Variants in CAMK1D observed in about 807,000 individuals in gnomAD.
The protein encoded by CAMK1D is calcium/calmodulin dependent protein kinase ID.
A neutral mutation model predicts 47.7 loss-of-function variants in CAMK1D; 9 were observed. The observed-to-expected ratio is 0.19, with a 90% CI of 0.11 to 0.33. CAMK1D has a LOEUF of 0.33. Ranked by LOEUF, CAMK1D falls within the 10% of genes least tolerant of loss-of-function variation. CAMK1D has a pLI of 1.00. For synonymous variants in CAMK1D, 184 were observed against 184.9 expected, an observed-to-expected ratio of 0.99 and a Z score of 0.04; for missense variants, 291 against 488.7, an observed-to-expected ratio of 0.60 and a Z score of 3.81.
chr10:12,437,487 G>C (rs1240494135), intron 1 of CAMK1D, among the ~76,000 whole-genome samples: 1 of 152,110 alleles, frequency 6.6e-6, no homozygotes, highest in Admixed American at 6.5e-5. Context: ...GAGCTACCGC[G>C]CCCAGCCCAG....
chr10:12,364,110 G>A (rs1823411005), intron 1 of CAMK1D, among the ~76,000 whole-genome samples: 1 of 152,092 alleles, frequency 6.6e-6, no homozygotes, highest in Non-Finnish European at 1.5e-5. Context: ...TAGTGAGTGA[G>A]CAGCAATTAC....
At chr10:12,578,621 C>A (rs922904615) in intron 2 of CAMK1D, 1 of 149,306 alleles carries the variant, frequency 6.7e-6, no homozygotes, top group Non-Finnish European at 1.5e-5. Context: ...CTCTAGTTTG[C>A]CCAGTCTGGT....
At chr10:12,763,227 G>A (rs1836586389) in intron 4 of CAMK1D, among the ~76,000 whole-genome samples, 1 of 152,252 alleles carries the variant, frequency 6.6e-6, no homozygotes, top group Non-Finnish European at 1.5e-5. Context: ...CTATGAGGAG[G>A]AAGTTGAAAT....
intron 1 of CAMK1D, among the ~76,000 whole-genome samples, chr10:12,476,022 G>A (rs1276788850): frequency 2.0e-5 from 3 of 152,098 alleles, no homozygotes; most frequent in Non-Finnish European, 2.9e-5. Flanking sequence ...GCCGGGTGGG[G>A]TGGCTCATGC....
At chr10:12,415,433 C>T (rs1839810189) in intron 1 of CAMK1D, among the ~76,000 whole-genome samples, 1 of 150,280 alleles carries the variant, frequency 6.7e-6, no homozygotes, top group African/African-American at 2.4e-5. Context: ...GCATTACAGG[C>T]ACCCACCACC....
chr10:12,680,035 T>G (rs1275323637), intron 3 of CAMK1D, among the ~76,000 whole-genome samples: 1 of 152,232 alleles, frequency 6.6e-6, no homozygotes, highest in Non-Finnish European at 1.5e-5. Context: ...CCTAAAATTC[T>G]GTAACATCTT....
chr10:12,751,103 TA>T (rs1835949041), intron 3 of CAMK1D, among the ~76,000 whole-genome samples: 2 of 105,318 alleles, frequency 1.9e-5, no homozygotes, highest in African/African-American at 4.6e-5. Context: ...TAAGATAAGA[TA>T]AGATAAGATA....
intron 1 of CAMK1D, among the ~76,000 whole-genome samples, chr10:12,503,859 A>G (rs1177858358): frequency 1.3e-5 from 2 of 152,114 alleles, no homozygotes; most frequent in African/African-American, 4.8e-5. Context: ...TTACAGTGTT[A>G]AAAAGTTCGA....
chr10:12,735,567 G>A (rs964194359), intron 3 of CAMK1D, among the ~76,000 whole-genome samples: 2 of 152,166 alleles, frequency 1.3e-5, no homozygotes, highest in Admixed American at 6.5e-5. Flanking sequence ...ACTGCCCTTC[G>A]ATGCCGTGTC....
At chr10:12,415,080 CT>C (rs1443179453) in intron 1 of CAMK1D, among the ~76,000 whole-genome samples, 1 of 152,038 alleles carries the variant, frequency 6.6e-6, no homozygotes. Context: ...TTTCATGTGT[CT>C]GATTATTATA....
At chr10:12,434,713 C>T (rs559371524) in intron 1 of CAMK1D, among the ~76,000 whole-genome samples, 11 of 152,324 alleles carry the variant, frequency 7.2e-5, no homozygotes, top group East Asian at 1.9e-4. Context: ...ATACTCTGAA[C>T]GGTGTGTAAA....
intron 2 of CAMK1D, chr10:12,653,181 A>C (rs1840026732): frequency 6.5e-6 from 1 of 154,210 alleles, no homozygotes; most frequent in South Asian, 2.0e-4. Context: ...CCTCTTAAAA[A>C]ACCACCAGCC....
intron 1 of CAMK1D, among the ~76,000 whole-genome samples, chr10:12,371,897 C>T (rs1405737807): frequency 6.6e-6 from 1 of 152,054 alleles, no homozygotes; most frequent in African/African-American, 2.4e-5. Context: ...GAACTCCTGA[C>T]CTCAGGTGAT....
At chr10:12,500,626 C>T (rs1177393624) in intron 1 of CAMK1D, among the ~76,000 whole-genome samples, 2 of 152,196 alleles carry the variant, frequency 1.3e-5, no homozygotes, top group African/African-American at 4.8e-5. Context: ...CACCCTTTGC[C>T]TTGTGACCTT....
intron 3 of CAMK1D, among the ~76,000 whole-genome samples, chr10:12,725,823 C>T (rs1834601317): frequency 6.6e-6 from 1 of 152,152 alleles, no homozygotes; most frequent in Admixed American, 6.5e-5. Context: ...GTGGCATGAT[C>T]TCGGCTCACA....
chr10:12,682,974 T>C (rs752733740), intron 3 of CAMK1D, among the ~76,000 whole-genome samples: 11 of 152,018 alleles, frequency 7.2e-5, no homozygotes, highest in Non-Finnish European at 1.5e-4. Context: ...TAGGCTGGAA[T>C]GCAATGGTGC....
At chr10:12,421,461 G>T (rs1467807645) in intron 1 of CAMK1D, among the ~76,000 whole-genome samples, 1 of 145,098 alleles carries the variant, frequency 6.9e-6, no homozygotes, top group Non-Finnish European at 1.5e-5. Context: ...TGTGGCTCTT[G>T]CCGTATTCCA....
chr10:12,496,455 T>A (rs1588554646), intron 1 of CAMK1D, among the ~76,000 whole-genome samples: 2 of 152,036 alleles, frequency 1.3e-5, no homozygotes, highest in Non-Finnish European at 2.9e-5. Flanking sequence ...GGCCTCCACA[T>A]GTCAGACAGC....
At chr10:12,572,856 C>T (rs1405073320) in intron 2 of CAMK1D, among the ~76,000 whole-genome samples, 1 of 152,116 alleles carries the variant, frequency 6.6e-6, no homozygotes, top group Non-Finnish European at 1.5e-5. Flanking sequence ...TGGTCTTGAA[C>T]TCTTGGGCTC....
Sources: allele counts gnomAD v4.1 joint callset (sites outside exome capture counted in the v4.1 genomes callset), GRCh38; gene constraint gnomAD v4.1.1; transcripts MANE v1.5; gene names NCBI Gene and HGNC (gene_info 2026-07-23, HGNC 2026-07-21).